The following PCDHGA7 variants were observed in gnomAD, a reference collection of about 807,000 sequenced individuals.
PCDHGA7 encodes the protein protocadherin gamma subfamily A, 7.
A neutral mutation model predicts 58.3 loss-of-function variants in PCDHGA7; 44 were observed. The observed-to-expected ratio is 0.75, with a 90% CI of 0.59 to 0.97. The LOEUF is 0.97. Ranked by LOEUF, PCDHGA7 falls within the 50% of genes least tolerant of loss-of-function variation. The pLI is 0.00. For missense variants in PCDHGA7, 1,266 were observed against 1,188.7 expected, an observed-to-expected ratio of 1.06 and a Z score of -0.96; for synonymous variants, 516 against 504.2, an observed-to-expected ratio of 1.02 and a Z score of -0.31.
In PCDHGA7 at chr5:141,414,961, G is replaced by A. The variant is rs1357376957; in HGVS notation, c.2424+29638G>A. Reference sequence around the variant, plus strand: ...GCCCGGCTACCTGGTGACCAAGGTGGTGGCGGTGGACAGAGACTCCGGCCA... The same window carrying A: ...GCCCGGCTACCTGGTGACCAAGGTGATGGCGGTGGACAGAGACTCCGGCCA... On this transcript the variant is annotated intron_variant, in intron 1 of 3. Transcript: ENST00000518325. 2.5e-6 allele frequency: 4 copies of A among 1,614,028 alleles called. No individual in the cohort carries two copies. In the Admixed American group the frequency reaches 6.7e-5, roughly 27 times the overall value.
At chr5:141,399,628 G>C in intron 1 of PCDHGA7, 1 of 1,613,890 alleles carries the variant, frequency 6.2e-7, no homozygotes, top group Non-Finnish European at 8.5e-7. Flanking sequence ...GGCCTCTTAC[G>C]TGTCCATGAG....
In PCDHGA7 at chr5:141,491,225, T is replaced by G. The variant is rs764111440; in HGVS notation, c.2425-3582T>G. The stretch of plus-strand genomic sequence containing the variant: ...CCTTCACTCTCCTCCACAGCCACAG[T>G]GCTGCTGGTTCTGGAGGATGAGGAC... On this transcript the variant is annotated intron_variant, in intron 1 of 3. Transcript: ENST00000518325. This position sits in a 1 kb window ranked among gnomAD's most constrained non-coding sequence, Gnocchi z 6.9. 6.2e-7 allele frequency: 1 copy of G among 1,614,232 alleles called. No individual in the cohort carries two copies. Among genetic ancestry groups the G allele is most frequent in the Non-Finnish European group, 8.5e-7 (1 of 1,180,028 alleles).
At chr5:141,410,084 A>G in intron 1 of PCDHGA7, 3 of 1,612,532 alleles carry the variant, frequency 1.9e-6, no homozygotes, top group Non-Finnish European at 2.5e-6. Context: ...GGAGGTGCGC[A>G]CGGCTCGAGC....
rs375516156 is a variant in PCDHGA7 at position 141,510,311 on chromosome 5, C to G, written c.2573-636C>G. Among the ~76,000 whole-genome samples, 70 of 151,056 alleles carry G rather than the reference C, an allele frequency of 4.6e-4. No homozygotes were observed. The South Asian group carries it at 0.014, about 31-fold the overall frequency. On this transcript the variant is annotated intron_variant, in intron 3 of 3. Transcript: ENST00000518325. The stretch of plus-strand genomic sequence containing the variant: ...AAAAAATGCTGTTTTGAAATGGAGG[C>G]TTGGAAGAGCACTCTTCACCCCCAC...
chr5:141,429,169 T>TACACACACACACACAC (rs10667977), intron 1 of PCDHGA7: 2 of 145,394 alleles, frequency 1.4e-5, no homozygotes, highest in East Asian at 2.0e-4. Flanking sequence ...ACATTGTTTA[T>TACACACACACACACAC]ACACACACAC....
rs61612330 is a variant in PCDHGA7, at chr5:141,454,796, A to ATTTTTTT, written c.2425-39988_2425-39982dup. On this transcript the variant is annotated intron_variant, in intron 1 of 3. Transcript: ENST00000518325. Reference sequence around the variant, plus strand: ...AAGGAAATAATCCTCCATGGTTCTAATTTTTTTTTTTTTTTTTTTTTTTTT... The same window carrying ATTTTTTT: ...AAGGAAATAATCCTCCATGGTTCTAATTTTTTTTTTTTTTTTTTTTTTTTTTTTTTTT... Among the ~76,000 whole-genome samples the ATTTTTTT allele has an allele frequency of 2.6e-3, 198 of 77,448 alleles. 27 individuals are homozygous for ATTTTTTT. The highest frequency in any genetic ancestry group is 8.4e-3 in the African/African-American group (141 of 16,874). The allele number at this position is 77,448 out of a possible 152,430, so 50.8% of individuals were successfully genotyped here. A position where few individuals can be genotyped will look rare whatever the true frequency, so the allele number is the denominator to read the frequency against.
chr5:141,491,316 T>C lies in PCDHGA7; in HGVS notation c.2425-3491T>C. The C allele has an allele frequency of 3.1e-6, 5 of 1,614,176 alleles. No homozygotes were observed. The highest frequency in any genetic ancestry group is 3.4e-6 in the Non-Finnish European group (4 of 1,180,004). ...CTCCTGAGCGTTCAGACCTTACCCT[T>C]TACCTCATTGTGGCTCTAGCGACCG... is the stretch of plus-strand genomic sequence containing the variant. On this transcript the variant is annotated intron_variant, in intron 1 of 3. Coordinates refer to ENST00000518325, the MANE Select transcript of PCDHGA7 (RefSeq NM_018920.4). The surrounding 1 kb of genome is among the most constrained non-coding windows in gnomAD (Gnocchi z 6.9).
chr5:141,427,865 G>A, intron 1 of PCDHGA7: 1 of 1,558,148 alleles, frequency 6.4e-7, no homozygotes. Flanking sequence ...GCGCCTTCGA[G>A]CTCACGATGC....
Position 141,505,432 on chromosome 5 carries a change from C to T in PCDHGA7, c.2523C>T (p.Asn841=), listed in dbSNP as rs776731214. Residue 841 remains asparagine, a synonymous_variant, in exon 3 of 4, where the codon AAC becomes AAT. Transcript: ENST00000518325. ...ATGACACCGGCACCTGGCCCAACAA[C>T]CAGTTTGACACAGAGATGCTGCAAG... ...NGDDTGTWPN[N]QFDTEMLQAM... 6.2e-7 allele frequency: 1 copy of T among 1,614,252 alleles called. No homozygotes were observed. Among genetic ancestry groups the T allele is most frequent in the Non-Finnish European group, 8.5e-7 (1 of 1,180,048 alleles).
At chr5:141,501,516 C>A (rs763346187) in intron 2 of PCDHGA7, among the ~76,000 whole-genome samples, 1 of 152,010 alleles carries the variant, frequency 6.6e-6, no homozygotes, top group Non-Finnish European at 1.5e-5. Flanking sequence ...GGCCTCCAAG[C>A]TGAAGCCCAG....
rs1168799961 is a variant in PCDHGA7, at chr5:141,487,844, A to G, written c.2425-6963A>G. ...CGGGTCATGCCTATATCTGAGTAAG[A>G]AATGAAAGTAATTGGTGATCAAGAG... On this transcript the variant is annotated intron_variant, in intron 1 of 3. Coordinates refer to ENST00000518325, the MANE Select transcript of PCDHGA7 (RefSeq NM_018920.4). The surrounding 1 kb of genome is among the most constrained non-coding windows in gnomAD (Gnocchi z 5.0). 2 of 1,043,076 alleles carry G rather than the reference A, an allele frequency of 1.9e-6. No homozygotes were observed. Among genetic ancestry groups the G allele is most frequent in the Non-Finnish European group, 2.7e-6 (2 of 730,916 alleles). The allele number at this position is 1,043,076 out of a possible 1,614,324, so 64.6% of individuals were successfully genotyped here.
In PCDHGA7 at chr5:141,383,579, A is replaced by G. The variant is rs756026538; in HGVS notation, c.680A>G (p.His227Arg). ...GGDPPRSSTAHIQVTVVDVND... is the reference protein window; with the variant it reads ...GGDPPRSSTARIQVTVVDVND... ...GACCCGCCCCGATCCAGCACCGCCC[A>G]CATCCAGGTGACAGTGGTGGATGTG... Residue 227 changes from histidine to arginine, a missense_variant, in exon 1 of 4, where the codon CAC (histidine) becomes CGC (arginine). Transcript: ENST00000518325. 1 of 1,613,596 alleles carries G rather than the reference A, an allele frequency of 6.2e-7. No homozygotes were observed.
At chr5:141,392,956 T>A (rs769377200) in intron 1 of PCDHGA7, 3 of 1,613,820 alleles carry the variant, frequency 1.9e-6, no homozygotes, top group South Asian at 1.1e-5. Context: ...GTGGGTAATA[T>A]CTCCAAGGAC....
At chr5:141,452,201 T>G (rs552947721) in intron 1 of PCDHGA7, among the ~76,000 whole-genome samples, 131 of 152,376 alleles carry the variant, frequency 8.6e-4, no homozygotes, top group Middle Eastern at 6.8e-3. Context: ...TTGTTTTAGA[T>G]GTTACCAATA....
At chr5:141,394,159 C>T in intron 1 of PCDHGA7, 1 of 1,613,916 alleles carries the variant, frequency 6.2e-7, no homozygotes, top group Non-Finnish European at 8.5e-7. Context: ...AACGACAACC[C>T]TCCTACTTTC....
In PCDHGA7 at chr5:141,422,435, A is replaced by G. The variant is rs199795822; in HGVS notation, c.2424+37112A>G. 7.8e-4 allele frequency: 1,254 copies of G among 1,609,700 alleles called. 7 individuals are homozygous for G. The highest frequency in any genetic ancestry group is 2.1e-3 in the South Asian group (193 of 90,090). Reference sequence around the variant, plus strand: ...TTAGAAAAGACTTATGGAAATTATTACAAATTGATAACAAGCAGAGTGCTG... The same window carrying G: ...TTAGAAAAGACTTATGGAAATTATTGCAAATTGATAACAAGCAGAGTGCTG... On this transcript the variant is annotated intron_variant, in intron 1 of 3. Transcript: ENST00000518325.
chr5:141,423,597 G>C, intron 1 of PCDHGA7: 1 of 1,613,188 alleles, frequency 6.2e-7, no homozygotes, highest in Non-Finnish European at 8.5e-7. Context: ...AGAAAAGCGA[G>C]CCACTCTTGA....
At position 141,388,660 on chromosome 5, in the gene PCDHGA7, C is replaced by A. The variant is rs762083225; in HGVS notation, c.2424+3337C>A. 5.0e-6 allele frequency: 8 copies of A among 1,613,714 alleles called. No individual in the cohort carries two copies. The South Asian group carries it at 8.8e-5, about 18-fold the overall frequency. On this transcript the variant is annotated intron_variant, in intron 1 of 3. Transcript: ENST00000518325. Reference sequence around the variant, plus strand: ...CTTTCAGAAAACGTGTACCCGGGGACCACGGTGCTACAGGTGACTGCCACG... The same window carrying A: ...CTTTCAGAAAACGTGTACCCGGGGAACACGGTGCTACAGGTGACTGCCACG...
rs1780248278 is a variant in PCDHGA7 at position 141,384,592 on chromosome 5, C to T, written c.1693C>T (p.Pro565Ser). ...QNDNPPEILYPALPTDGSTGM... is the reference protein window; with the variant it reads ...QNDNPPEILYSALPTDGSTGM... The stretch of plus-strand genomic sequence containing the variant: ...TGACAACCCGCCCGAGATCCTGTAC[C>T]CGGCCCTCCCCACAGATGGTTCTAC... The change falls in exon 1 of 4, where the codon CCG becomes TCG. Residue 565 changes from proline to serine, a missense_variant. Transcript: ENST00000518325. 1 of 1,614,120 alleles carries T rather than the reference C, an allele frequency of 6.2e-7. No individual in the cohort carries two copies. The highest frequency in any genetic ancestry group is 1.3e-5 in the African/African-American group (1 of 74,942).
Sources: gnomAD v4.1 joint callset for allele counts (sites outside exome capture counted in the v4.1 genomes callset) on GRCh38, gnomAD v4.1.1 for gene constraint, Gnocchi (gnomAD v3.1) non-coding constraint, MANE v1.5 for transcripts, NCBI Gene and HGNC (gene_info 2026-07-23, HGNC 2026-07-21) for gene names.